Variants in CFAP96 observed in about 807,000 individuals in gnomAD.
CFAP96 encodes the protein cilia and flagella associated protein 96.
the CFAP96 span, among the ~76,000 whole-genome samples, chr4:185,422,735 A>G: frequency 6.6e-6 from 1 of 152,214 alleles, no homozygotes; most frequent in Non-Finnish European, 1.5e-5. Context: ...AGCAACCCCA[A>G]AATTTTAAAT....
the CFAP96 span, chr4:185,415,256 C>T: frequency 2.5e-6 from 4 of 1,601,936 alleles, no homozygotes; most frequent in Non-Finnish European, 3.4e-6. Flanking sequence ...GGTTCAGGGA[C>T]CACAATAGAT....
chr4:185,428,587 A>C, the CFAP96 span, among the ~76,000 whole-genome samples: 34 of 150,798 alleles, frequency 2.3e-4, no homozygotes, highest in South Asian at 6.3e-4. Context: ...CAACAACAAA[A>C]AAAAAAGAGA....
At chr4:185,426,150 C>T in the CFAP96 span, 17 of 511,402 alleles carry the variant, frequency 3.3e-5, no homozygotes, top group Non-Finnish European at 5.7e-5. Flanking sequence ...TTCTTCGATG[C>T]GGATTCGAAT....
the CFAP96 span, among the ~76,000 whole-genome samples, chr4:185,422,101 C>T: frequency 6.6e-6 from 1 of 152,178 alleles, no homozygotes; most frequent in African/African-American, 2.4e-5. Flanking sequence ...TTGTACTCAT[C>T]CCCATATAAT....
chr4:185,408,479 G>T, the CFAP96 span: 1 of 1,575,206 alleles, frequency 6.3e-7, no homozygotes, highest in Non-Finnish European at 8.7e-7. Flanking sequence ...ACTTAGGATA[G>T]AAGTACATAT....
At chr4:185,439,727 CAT>C in the CFAP96 span, among the ~76,000 whole-genome samples, 1,785 of 148,918 alleles carry the variant, frequency 0.012, 33 homozygotes, top group African/African-American at 0.042. Flanking sequence ...AAATTATAGA[CAT>C]GTAATATATA....
At chr4:185,425,731 C>A in the CFAP96 span, 3 of 1,356,262 alleles carry the variant, frequency 2.2e-6, no homozygotes, top group Admixed American at 2.1e-5. Context: ...GAGAGCCGCC[C>A]TGCCCACGCA....
At chr4:185,432,996 A>G in the CFAP96 span, among the ~76,000 whole-genome samples, 1 of 151,924 alleles carries the variant, frequency 6.6e-6, no homozygotes, top group East Asian at 1.9e-4. Context: ...GTTCAAGTGG[A>G]GGAGGGTTCT....
At chr4:185,435,017 A>T in the CFAP96 span, among the ~76,000 whole-genome samples, 4 of 151,862 alleles carry the variant, frequency 2.6e-5, no homozygotes, top group Non-Finnish European at 5.9e-5. Flanking sequence ...CTGGGATTAC[A>T]TACGTGAGCC....
chr4:185,411,212 A>T, the CFAP96 span, among the ~76,000 whole-genome samples: 6 of 151,956 alleles, frequency 3.9e-5, no homozygotes, highest in Non-Finnish European at 5.9e-5. Context: ...AACCTAGGTA[A>T]ATAACTTATA....
the CFAP96 span, among the ~76,000 whole-genome samples, chr4:185,416,301 A>G: frequency 6.6e-6 from 1 of 152,238 alleles, no homozygotes; most frequent in Non-Finnish European, 1.5e-5. Context: ...CCACTTTTGT[A>G]CTGATTTAAA....
the CFAP96 span, chr4:185,413,730 C>A: frequency 3.1e-6 from 5 of 1,607,924 alleles, no homozygotes; most frequent in African/African-American, 1.3e-5. Context: ...ACTCACCATA[C>A]CAGTCTCCAT....
the CFAP96 span, among the ~76,000 whole-genome samples, chr4:185,433,111 T>A: frequency 6.6e-6 from 1 of 152,150 alleles, no homozygotes; most frequent in African/African-American, 2.4e-5. Flanking sequence ...TTTAACAGTA[T>A]CTTAGTTGTG....
chr4:185,437,029 C>T, the CFAP96 span, among the ~76,000 whole-genome samples: 3 of 152,108 alleles, frequency 2.0e-5, no homozygotes, highest in Admixed American at 6.5e-5. Flanking sequence ...ATATTCCCAC[C>T]ATACCCTACT....
the CFAP96 span, among the ~76,000 whole-genome samples, chr4:185,443,088 G>T: frequency 4.0e-5 from 6 of 151,742 alleles, no homozygotes; most frequent in Admixed American, 2.6e-4. Context: ...CAGTTTAATA[G>T]CATTAGAAAT....
the CFAP96 span, among the ~76,000 whole-genome samples, chr4:185,438,146 T>G: frequency 2.0e-5 from 3 of 152,256 alleles, no homozygotes; most frequent in Non-Finnish European, 2.9e-5. Context: ...ATTTGGAATA[T>G]TTCCAGTTAT....
the CFAP96 span, chr4:185,426,213 C>T: frequency 2.9e-6 from 1 of 343,108 alleles, no homozygotes; most frequent in East Asian, 5.4e-5. Context: ...GTACCCGGGG[C>T]AACACATCAC....
chr4:185,434,292 C>A, the CFAP96 span, among the ~76,000 whole-genome samples: 1 of 152,100 alleles, frequency 6.6e-6, no homozygotes, highest in African/African-American at 2.4e-5. Flanking sequence ...TACCTTTTGA[C>A]ACTTTGGATA....
chr4:185,439,938 TATGTATC>T, the CFAP96 span, among the ~76,000 whole-genome samples: 49 of 144,670 alleles, frequency 3.4e-4, no homozygotes, highest in African/African-American at 1.2e-3. Context: ...TATATACATA[TATGTATC>T]ATATATATGA....
Sources: allele counts gnomAD v4.1 joint callset (sites outside exome capture counted in the v4.1 genomes callset), GRCh38; gene constraint gnomAD v4.1.1; transcripts MANE v1.5; gene names NCBI Gene and HGNC (gene_info 2026-07-23, HGNC 2026-07-21).